CBFA2T3: variants seen among roughly 807,000 people sequenced by gnomAD.
The protein encoded by CBFA2T3 is transcriptional corepressor CBFA2T3.
CBFA2T3 carries 31 observed loss-of-function variants against 58.6 expected under a neutral mutation model. The observed-to-expected ratio is 0.53, with a 90% CI of 0.40 to 0.71. CBFA2T3 has a LOEUF of 0.71. Among genes scored for constraint, CBFA2T3 ranks in the 30% least tolerant of loss-of-function variants. The probability of loss-of-function intolerance (pLI) is 0.00; values close to 1 mark genes in which losing one functional copy is unlikely to be tolerated. For missense variants in CBFA2T3, 1,076 were observed against 963.1 expected, an observed-to-expected ratio of 1.12 and a Z score of -1.55; for synonymous variants, 531 against 421.9, an observed-to-expected ratio of 1.26 and a Z score of -3.17.
At chr16:88,926,050 CG>C (rs1244238243) in intron 1 of CBFA2T3, among the ~76,000 whole-genome samples, 2 of 152,206 alleles carry the variant, frequency 1.3e-5, no homozygotes, top group Non-Finnish European at 2.9e-5. Flanking sequence ...GGGAGGCCCC[CG>C]TGAATTGTGC....
rs149309208 is a variant in CBFA2T3 at position 88,892,249 on chromosome 16, G to T, written c.616C>A (p.Leu206Met). Residue 206 changes from leucine (L) to methionine (M), a missense_variant, in exon 4 of 12, where the codon CTG becomes ATG. Coordinates refer to ENST00000268679, the MANE Select transcript of CBFA2T3 (RefSeq NM_005187.6). The stretch of plus-strand genomic sequence containing the variant: ...GCTGTCCCTGCCCAACTCACCACCA[G>T]GCCCAGCACCAGTGTGCGCACGCGC... Reference protein sequence around the residue: ...GERVRTLVLGLVNSTLTIEEF... With the variant: ...GERVRTLVLGMVNSTLTIEEF... The T allele has an allele frequency of 3.7e-6, 6 of 1,608,208 alleles. No homozygotes were observed. In the Admixed American group the frequency reaches 6.7e-5, roughly 18 times the overall value.
At chr16:88,919,503 C>A (rs571722663) in intron 1 of CBFA2T3, among the ~76,000 whole-genome samples, 1 of 152,210 alleles carries the variant, frequency 6.6e-6, no homozygotes, top group Non-Finnish European at 1.5e-5. Flanking sequence ...TGGCCTCAGG[C>A]GCTGTCCCTA....
chr16:88,877,204 G>A lies in CBFA2T3; in HGVS notation c.1734C>T (p.Ser578=). 6.4e-7 allele frequency: 1 copy of A among 1,556,136 alleles called. No individual in the cohort carries two copies. The highest frequency in any genetic ancestry group is 8.7e-7 in the Non-Finnish European group (1 of 1,150,414). ...TCTCCCAGTCCCGATGCTGGCAGAA[G>A]GACCCGCAGTAGCGTGCCGCGTTGC... ...SGCNAARYCG[S]FCQHRDWEKH... Residue 578 remains serine (S), a synonymous_variant, in exon 12 of 12, where the codon TCC becomes TCT. Coordinates refer to ENST00000268679, the MANE Select transcript of CBFA2T3 (RefSeq NM_005187.6).
chr16:88,943,884 G>A (rs113162261), intron 1 of CBFA2T3, among the ~76,000 whole-genome samples: 66 of 152,312 alleles, frequency 4.3e-4, no homozygotes, highest in African/African-American at 1.3e-3. Flanking sequence ...CAAGGCCAGC[G>A]TCACCTGTGC....
chr16:88,955,984 C>A (rs1339895607), intron 1 of CBFA2T3, among the ~76,000 whole-genome samples: 1 of 152,024 alleles, frequency 6.6e-6, no homozygotes, highest in Non-Finnish European at 1.5e-5. Context: ...CCGCCCAAGG[C>A]TCCTGACCCC....
chr16:88,925,431 C>T (rs1971056002), intron 1 of CBFA2T3, among the ~76,000 whole-genome samples: 1 of 152,206 alleles, frequency 6.6e-6, no homozygotes, highest in African/African-American at 2.4e-5. Context: ...TGAGTCAAAA[C>T]AGCCCCCAGG....
chr16:88,965,160 A>G (rs1398328977), intron 1 of CBFA2T3, among the ~76,000 whole-genome samples: 1 of 143,152 alleles, frequency 7.0e-6, no homozygotes, highest in South Asian at 2.2e-4. Flanking sequence ...TCTATATCAC[A>G]ATTAGAATTC....
At chr16:88,923,772 C>G (rs906791756) in intron 1 of CBFA2T3, among the ~76,000 whole-genome samples, 4 of 152,184 alleles carry the variant, frequency 2.6e-5, no homozygotes, top group African/African-American at 9.7e-5. Flanking sequence ...GGCTCCTGGG[C>G]TGGACACCGG....
intron 1 of CBFA2T3, among the ~76,000 whole-genome samples, chr16:88,918,005 G>A (rs894648970): frequency 2.0e-5 from 3 of 152,292 alleles, no homozygotes; most frequent in African/African-American, 7.2e-5. Flanking sequence ...TGGCCTCCCT[G>A]GAGTGGAGGA....
At chr16:88,880,813 A>G (rs1969038415) in intron 9 of CBFA2T3, 25 bp from the exon 10 acceptor site, 2 of 1,564,230 alleles carry the variant, frequency 1.3e-6, no homozygotes, top group Non-Finnish European at 1.7e-6. Flanking sequence ...GGCGTCACAC[A>G]GGATGGGCCA....
chr16:88,975,318 C>T (rs1567644247), intron 1 of CBFA2T3, among the ~76,000 whole-genome samples: 1 of 149,272 alleles, frequency 6.7e-6, no homozygotes, highest in Non-Finnish European at 1.5e-5. Flanking sequence ...ACCTCTTGGC[C>T]CTAACCTCCT....
intron 1 of CBFA2T3, among the ~76,000 whole-genome samples, chr16:88,975,420 G>A (rs532881314): frequency 1.2e-4 from 18 of 152,326 alleles, no homozygotes; most frequent in South Asian, 6.2e-4. Context: ...GTCTCTCTCC[G>A]CGCCGGTGAG....
chr16:88,879,573 C>G, intron 10 of CBFA2T3, 113 bp from the exon 11 acceptor site: 1 of 915,210 alleles, frequency 1.1e-6, no homozygotes, highest in Non-Finnish European at 1.7e-6. Context: ...GCTGAACACA[C>G]GTACCATCTG....
Position 88,901,631 on chromosome 16 carries a change from G to C in CBFA2T3, c.177C>G (p.Ala59=). 1.3e-6 allele frequency: 2 copies of C among 1,531,594 alleles called. No individual in the cohort carries two copies. The highest frequency in any genetic ancestry group is 8.7e-7 in the Non-Finnish European group (1 of 1,150,650). The allele number at this position is 1,531,594 out of a possible 1,614,324, so 94.9% of individuals were successfully genotyped here. ...GPAPVDRKAK[A]SAMPDSPAEV... ...CCGCTGGGGAGTCCGGCATCGCTGA[G>C]GCCTTAGCTTTCCTGTCCACTGGGG... Residue 59 remains alanine (A), a synonymous_variant, in exon 2 of 12, where the codon GCC becomes GCG. Transcript: ENST00000268679.
rs74033229 is a variant in CBFA2T3, at chr16:88,968,939, T to C, written c.151+7718A>G. Among the ~76,000 whole-genome samples, 872 of 152,282 alleles carry C rather than the reference T, an allele frequency of 5.7e-3. 9 individuals are homozygous for C. Among genetic ancestry groups the C allele is most frequent in the African/African-American group, 0.02 (823 of 41,564 alleles). Reference sequence around the variant, plus strand: ...CTCTGAGCTCCAGGGTCTGCAGCGCTGCAGGCCTCACACAAATCGGGGGCC... The same window carrying C: ...CTCTGAGCTCCAGGGTCTGCAGCGCCGCAGGCCTCACACAAATCGGGGGCC... On this transcript the variant is annotated intron_variant, in intron 1 of 11. Coordinates refer to ENST00000268679, the MANE Select transcript of CBFA2T3 (RefSeq NM_005187.6).
chr16:88,921,441 G>A (rs572138493), intron 1 of CBFA2T3, among the ~76,000 whole-genome samples: 255 of 152,380 alleles, frequency 1.7e-3, no homozygotes, highest in Middle Eastern at 3.4e-3. Context: ...GTGGCAGGGA[G>A]GTGGTGGCAC....
chr16:88,886,313 G>C (rs1260262747), intron 5 of CBFA2T3, 171 bp from the exon 6 acceptor site: 1 of 457,598 alleles, frequency 2.2e-6, no homozygotes, highest in East Asian at 3.5e-5. Flanking sequence ...GCAGTGCCAT[G>C]GGAGGGTGGC....
intron 1 of CBFA2T3, among the ~76,000 whole-genome samples, chr16:88,961,364 G>A (rs554141639): frequency 6.6e-6 from 1 of 152,200 alleles, no homozygotes; most frequent in East Asian, 1.9e-4. Context: ...CTCAGCACTG[G>A]GCATTCCCAC....
intron 1 of CBFA2T3, chr16:88,939,974 G>C (rs1023830056): frequency 1.3e-5 from 2 of 152,328 alleles, no homozygotes; most frequent in Admixed American, 6.5e-5. Flanking sequence ...CGTCCGCCGA[G>C]GTGGCTGCCC....
Sources: allele counts gnomAD v4.1 joint callset (sites outside exome capture counted in the v4.1 genomes callset), GRCh38; gene constraint gnomAD v4.1.1; transcripts MANE v1.5; gene names NCBI Gene and HGNC (gene_info 2026-07-23, HGNC 2026-07-21).